The following CRB1 variants were observed in gnomAD, a reference collection of about 807,000 sequenced individuals.
The protein encoded by CRB1 is crumbs cell polarity complex component 1.
A neutral mutation model predicts 120.0 loss-of-function variants in CRB1; 83 were observed. That is an observed-to-expected ratio of 0.69 (90% CI 0.58 to 0.83). The LOEUF (loss-of-function observed/expected upper bound fraction) is 0.83. Among genes scored for constraint, CRB1 ranks in the 40% least tolerant of loss-of-function variants. The pLI, the probability that CRB1 is intolerant of heterozygous loss-of-function variation, is 0.00. For synonymous variants in CRB1, 625 were observed against 612.5 expected, an observed-to-expected ratio of 1.02 and a Z score of -0.30; for missense variants, 1,699 against 1,687.6, an observed-to-expected ratio of 1.01 and a Z score of -0.12.
the CRB1 span, among the ~76,000 whole-genome samples, chr1:197,229,331 GC>G: frequency 2.0e-5 from 3 of 152,146 alleles, no homozygotes; most frequent in Non-Finnish European, 4.4e-5. Context: ...GTATGACACA[GC>G]CATTTTCTAT....
At chr1:197,367,670 A>C (rs2125375783) in intron 5 of CRB1, among the ~76,000 whole-genome samples, 1 of 152,238 alleles carries the variant, frequency 6.6e-6, no homozygotes, top group East Asian at 1.9e-4. Flanking sequence ...ATCTCATCCA[A>C]GTCCAATTTT....
intron 1 of CRB1, among the ~76,000 whole-genome samples, chr1:197,273,958 A>C (rs1040502841): frequency 2.0e-5 from 3 of 151,974 alleles, no homozygotes; most frequent in African/African-American, 7.2e-5. Flanking sequence ...CTGGGGTGTC[A>C]GGTCTTTTAG....
chr1:197,478,107 C>T lies in CRB1; in HGVS notation c.*228C>T. ...CAAAAAAAGTCTGTGCCAGTAATTT[C>T]AGCCTTATAATTAGCAAAAACATCT... is the stretch of plus-strand genomic sequence containing the variant. On this transcript the variant is annotated 3_prime_UTR_variant, in exon 12 of 12. Transcript: ENST00000367400. 1.8e-6 allele frequency: 1 copy of T among 559,576 alleles called. No homozygotes were observed. Among genetic ancestry groups the T allele is most frequent in the Non-Finnish European group, 3.2e-6 (1 of 312,876 alleles). The allele number at this position is 559,576 out of a possible 1,614,324, so 34.7% of individuals were successfully genotyped here.
rs900410467 is a variant in CRB1, at chr1:197,383,015, A to G, written c.1171+26002A>G. On this transcript the variant is annotated intron_variant, in intron 5 of 11. Transcript: ENST00000367400. ...AAGTACAAAATTGGTAACTACCCTCAAAAATCATAGGTTAAAATTATTTGT... is the reference window on the plus strand; with the variant it reads ...AAGTACAAAATTGGTAACTACCCTCGAAAATCATAGGTTAAAATTATTTGT... 2.0e-5 allele frequency among the ~76,000 whole-genome samples: 3 copies of G among 152,168 alleles called. No individual in the cohort carries two copies. The East Asian group carries it at 5.8e-4, about 29-fold the overall frequency.
chr1:197,279,302 A>C (rs775513671), intron 1 of CRB1, among the ~76,000 whole-genome samples: 2 of 151,838 alleles, frequency 1.3e-5, no homozygotes, highest in Non-Finnish European at 2.9e-5. Context: ...TACATCAAAC[A>C]CAATATTGCA....
chr1:197,384,275 A>G (rs1433475337), intron 5 of CRB1, among the ~76,000 whole-genome samples: 2 of 152,156 alleles, frequency 1.3e-5, no homozygotes, highest in Non-Finnish European at 2.9e-5. Flanking sequence ...ACAGCTTGCA[A>G]ATGGTAAAGC....
chr1:197,301,435 G>A (rs542087651), intron 1 of CRB1, among the ~76,000 whole-genome samples: 2 of 152,108 alleles, frequency 1.3e-5, no homozygotes, highest in African/African-American at 2.4e-5. Flanking sequence ...CAAAGTTCTG[G>A]GATTACAGGT....
intron 11 of CRB1, among the ~76,000 whole-genome samples, chr1:197,453,621 G>T (rs1395044738): frequency 1.4e-5 from 2 of 141,994 alleles, no homozygotes; most frequent in African/African-American, 5.1e-5. Flanking sequence ...CTGTTGCCCA[G>T]GCTAGAGTCC....
chr1:197,268,559 T>C, intron 1 of CRB1, 77 bp downstream of exon 1: 1 of 1,099,214 alleles, frequency 9.1e-7, no homozygotes, highest in Non-Finnish European at 1.4e-6. Context: ...ATGGATAATG[T>C]TGCATGTTCT....
the CRB1 span, among the ~76,000 whole-genome samples, chr1:197,214,171 T>C: frequency 3.3e-5 from 5 of 151,896 alleles, no homozygotes; most frequent in African/African-American, 7.3e-5. Context: ...AAGAAAACAA[T>C]AGAGAAGACT....
At chr1:197,275,341 A>G (rs1268706734) in intron 1 of CRB1, among the ~76,000 whole-genome samples, 1 of 152,120 alleles carries the variant, frequency 6.6e-6, no homozygotes, top group Non-Finnish European at 1.5e-5. Context: ...ATATGATTTA[A>G]AAAACACTTG....
intron 2 of CRB1, 74 bp downstream of exon 2, chr1:197,329,077 T>G (rs559503708): frequency 1.5e-6 from 2 of 1,299,864 alleles, no homozygotes; most frequent in South Asian, 1.2e-5. Context: ...AGGTGACATT[T>G]TATTTTTCAC....
the CRB1 span, among the ~76,000 whole-genome samples, chr1:197,220,289 A>G: frequency 6.6e-6 from 1 of 152,250 alleles, no homozygotes; most frequent in Non-Finnish European, 1.5e-5. Context: ...AATAAAAAGT[A>G]AGAACTAAGT....
chr1:197,213,259 C>G, the CRB1 span, among the ~76,000 whole-genome samples: 1 of 152,128 alleles, frequency 6.6e-6, no homozygotes, highest in South Asian at 2.1e-4. Context: ...TGTTTTTAAA[C>G]AGAACGTCTG....
chr1:197,445,763 T>C (rs929991707), intron 11 of CRB1, among the ~76,000 whole-genome samples: 3 of 152,250 alleles, frequency 2.0e-5, no homozygotes, highest in African/African-American at 4.8e-5. Context: ...ACTATTTTAC[T>C]TCTCTGCTTT....
At chr1:197,443,259 A>G (rs1242065875) in intron 11 of CRB1, 13 of 152,100 alleles carry the variant, frequency 8.5e-5, no homozygotes, top group Non-Finnish European at 1.8e-4. Flanking sequence ...GAAATCAGGA[A>G]TTTACATCGA....
chr1:197,258,003 T>C, the CRB1 span, among the ~76,000 whole-genome samples: 1 of 152,214 alleles, frequency 6.6e-6, no homozygotes, highest in East Asian at 1.9e-4. Context: ...AGGTGACTCT[T>C]GCTGCCTTTC....
rs1281351850 is a variant in CRB1, at chr1:197,427,438, T to A, written c.2129-16T>A. The A allele has an allele frequency of 6.2e-7, 1 of 1,612,002 alleles. No individual in the cohort carries two copies. Among genetic ancestry groups the A allele is most frequent in the Non-Finnish European group, 8.5e-7 (1 of 1,178,272 alleles). ...TTTCTTTTTTTTTCTCCTCCTCCTC[T>A]ATTTTGACATTGAAGAGTATGTGGC... On this transcript the variant is annotated splice_polypyrimidine_tract_variant and intron_variant, in intron 6 of 11. Coordinates refer to ENST00000367400, the MANE Select transcript of CRB1 (RefSeq NM_201253.3).
intron 1 of CRB1, among the ~76,000 whole-genome samples, chr1:197,277,563 A>G (rs1275108111): frequency 6.6e-6 from 1 of 152,034 alleles, no homozygotes; most frequent in Non-Finnish European, 1.5e-5. Context: ...CACCATTGAA[A>G]TAATCAGTTG....
Sources: allele counts gnomAD v4.1 joint callset (sites outside exome capture counted in the v4.1 genomes callset), GRCh38; gene constraint gnomAD v4.1.1; transcripts MANE v1.5; gene names NCBI Gene and HGNC (gene_info 2026-07-23, HGNC 2026-07-21).